Variants in SLC26A4 observed in about 807,000 individuals in gnomAD.
SLC26A4 encodes solute carrier family 26 member 4.
Under a neutral mutation model 90.4 loss-of-function variants are expected in SLC26A4, and 93 were observed. The ratio of observed to expected loss-of-function variants is 1.03; its 90% CI spans 0.87 to 1.22. The LOEUF is 1.22. Ranked by LOEUF, SLC26A4 falls within the 50% of genes most tolerant of loss-of-function variation. SLC26A4 has a pLI of 0.00. For missense variants in SLC26A4, 1,127 were observed against 946.2 expected (o/e 1.19, Z -2.51); for synonymous variants, 393 against 354.6 (o/e 1.11, Z -1.22).
At chr7:107,692,349 T>C (rs1275535810) in intron 10 of SLC26A4, among the ~76,000 whole-genome samples, 1 of 152,240 alleles carries the variant, frequency 6.6e-6, no homozygotes, top group African/African-American at 2.4e-5. Flanking sequence ...TTCTCTTGTG[T>C]GGCTTCTCGT....
intron 20 of SLC26A4, among the ~76,000 whole-genome samples, chr7:107,714,977 C>A (rs1170181273): frequency 1.3e-5 from 2 of 151,176 alleles, no homozygotes; most frequent in African/African-American, 4.9e-5. Context: ...GTAATCCCAG[C>A]ACTTTGGGAG....
chr7:107,698,944 C>T (rs1791815477), intron 14 of SLC26A4, among the ~76,000 whole-genome samples: 1 of 151,882 alleles, frequency 6.6e-6, no homozygotes. Context: ...GATAAAAAAG[C>T]AGAGAAAGTA....
intron 8 of SLC26A4, among the ~76,000 whole-genome samples, chr7:107,684,856 G>A (rs929406985): frequency 2.0e-5 from 3 of 152,126 alleles, no homozygotes; most frequent in Non-Finnish European, 4.4e-5. Flanking sequence ...GATCTCTTTT[G>A]TCAGGCTTCC....
At chr7:107,696,421 C>T (rs1791745929) in intron 13 of SLC26A4, among the ~76,000 whole-genome samples, 1 of 152,164 alleles carries the variant, frequency 6.6e-6, no homozygotes, top group African/African-American at 2.4e-5. Flanking sequence ...GCTGAAGTTG[C>T]TTTGTAGTTT....
chr7:107,672,463 T>G lies in SLC26A4; in HGVS notation c.415+215T>G, dbSNP rs570559349. On this transcript the variant is annotated intron_variant, in intron 4 of 20. Coordinates refer to ENST00000644269, the MANE Select transcript of SLC26A4 (RefSeq NM_000441.2). ...GGGATTTCAGTGTTTTGCCTGCTTTTTCTATTCACTGATGTTAGGTAACTT... is the reference window on the plus strand; with the variant it reads ...GGGATTTCAGTGTTTTGCCTGCTTTGTCTATTCACTGATGTTAGGTAACTT... Among the ~76,000 whole-genome samples the G allele has an allele frequency of 1.2e-4, 18 of 151,606 alleles. No individual in the cohort carries two copies. In the East Asian group the frequency reaches 2.9e-3, roughly 25 times the overall value.
At position 107,661,554 on chromosome 7, in the gene SLC26A4, C is replaced by A; in HGVS notation, c.-3-85C>A. 2 of 1,405,432 alleles carry A rather than the reference C, an allele frequency of 1.4e-6. No individual in the cohort carries two copies. Among genetic ancestry groups the A allele is most frequent in the South Asian group, 1.2e-5 (1 of 81,000 alleles). 87.1% of individuals were successfully genotyped at this position (1,405,432 alleles called of 1,614,324 possible). On this transcript the variant is annotated intron_variant, in intron 1 of 20. Transcript: ENST00000644269. This position sits in a 1 kb window ranked among gnomAD's most constrained non-coding sequence, Gnocchi z 5.1. Reference sequence around the variant, plus strand: ...GGCCTGGCTGCAGCTAACAGGTGATCCCGTTCTTTCTGTTCCTCGCTCTTC... The same window carrying A: ...GGCCTGGCTGCAGCTAACAGGTGATACCGTTCTTTCTGTTCCTCGCTCTTC...
rs772158573 is a variant in SLC26A4, at chr7:107,694,460, C to T, written c.1321C>T (p.Leu441Phe). ...GATCGCCATTCTTGCCCTGGGGAAG[C>T]TTCTGGAACCCTTGCAGAAGGTATA... Reference protein sequence around the residue: ...VMIAILALGKLLEPLQKSVLA... With the variant: ...VMIAILALGKFLEPLQKSVLA... The change falls in exon 11 of 21, where the codon CTT (leucine) becomes TTT (phenylalanine). Residue 441 changes from leucine to phenylalanine, a missense_variant. Coordinates refer to ENST00000644269, the MANE Select transcript of SLC26A4 (RefSeq NM_000441.2). 1 of 1,613,398 alleles carries T rather than the reference C, an allele frequency of 6.2e-7. No individual in the cohort carries two copies. Among genetic ancestry groups the T allele is most frequent in the Admixed American group, 1.7e-5 (1 of 59,966 alleles).
At position 107,662,711 on chromosome 7, in the gene SLC26A4, G is replaced by T. The variant is rs564642419; in HGVS notation, c.165-585G>T. Among the ~76,000 whole-genome samples, 50 of 152,096 alleles carry T rather than the reference G, an allele frequency of 3.3e-4. 1 individual carries two copies. In the South Asian group the frequency reaches 0.01, roughly 32 times the overall value. ...TGAGTCATTATTAAAATGTCCAATC[G>T]TCCCATAAATGCCTTAATTAAAAAA... On this transcript the variant is annotated intron_variant, in intron 2 of 20. Coordinates refer to ENST00000644269, the MANE Select transcript of SLC26A4 (RefSeq NM_000441.2).
chr7:107,665,305 GAGA>G (rs566888229), intron 3 of SLC26A4, among the ~76,000 whole-genome samples: 1 of 152,352 alleles, frequency 6.6e-6, no homozygotes, highest in Admixed American at 6.5e-5. Flanking sequence ...GATGCCCGAA[GAGA>G]AGGAGGATGG....
intron 18 of SLC26A4, among the ~76,000 whole-genome samples, chr7:107,704,945 G>A (rs1464181891): frequency 1.3e-5 from 2 of 152,172 alleles, no homozygotes; most frequent in Admixed American, 1.3e-4. Flanking sequence ...GTCGTCTAGT[G>A]CGGGAGCTTA....
intron 8 of SLC26A4, among the ~76,000 whole-genome samples, chr7:107,687,784 T>C (rs1016113466): frequency 9.2e-5 from 14 of 152,166 alleles, no homozygotes; most frequent in Non-Finnish European, 2.1e-4. Context: ...TAGGGTTGAC[T>C]GGGTCTCAGG....
At position 107,716,116 on chromosome 7, in the gene SLC26A4, G is replaced by A. The variant is rs1458375600; in HGVS notation, c.*670G>A. 6.6e-6 allele frequency: 1 copy of A among 152,022 alleles called. No homozygotes were observed. Among genetic ancestry groups the A allele is most frequent in the Admixed American group, 6.6e-5 (1 of 15,264 alleles). The allele number at this position is 152,022 out of a possible 1,614,324, so 9.4% of individuals were successfully genotyped here. On this transcript the variant is annotated 3_prime_UTR_variant, in exon 21 of 21. Transcript: ENST00000644269. ...ATGCAGACAAATGAAATAATAAAGA[G>A]ATTTTCATGGTTTATAAAAATCTTT...
intron 4 of SLC26A4, 137 bp downstream of exon 4, chr7:107,672,385 G>T (rs1221309418): frequency 1.2e-5 from 2 of 162,490 alleles, no homozygotes; most frequent in South Asian, 1.5e-4. Context: ...TGTGAAAACC[G>T]CAATTACTTT....
Position 107,700,148 on chromosome 7 carries a change from T to C in SLC26A4, c.1680T>C (p.Asp560=), listed in dbSNP as rs2129317910. ...FSSPIFYGNV[D]GFKKCIKSTV... ...GTCCTATTTTCTATGGCAATGTCGA[T>C]GGTTTTAAAAAATGTATCAAGTCCA... The change falls in exon 15 of 21, where the codon GAT becomes GAC. Residue 560 remains aspartate, a synonymous_variant. Coordinates refer to ENST00000644269, the MANE Select transcript of SLC26A4 (RefSeq NM_000441.2). The C allele has an allele frequency of 2.5e-6, 4 of 1,586,814 alleles. No homozygotes were observed. The highest frequency in any genetic ancestry group is 3.5e-6 in the Non-Finnish European group (4 of 1,155,094).
intron 6 of SLC26A4, among the ~76,000 whole-genome samples, chr7:107,678,698 G>A (rs1315909168): frequency 6.6e-6 from 1 of 150,844 alleles, no homozygotes; most frequent in Non-Finnish European, 1.5e-5. Context: ...AGGTATTTCA[G>A]TCATCCCTAT....
Position 107,666,817 on chromosome 7 carries a change from T to C in SLC26A4, c.304+3382T>C, listed in dbSNP as rs141512655. On this transcript the variant is annotated intron_variant, in intron 3 of 20. Coordinates refer to ENST00000644269, the MANE Select transcript of SLC26A4 (RefSeq NM_000441.2). Reference sequence around the variant, plus strand: ...GGGAGGCACTCACTCTCAGGATGCCTCTTTAAATATTGTACCCTAGGAAAC... The same window carrying C: ...GGGAGGCACTCACTCTCAGGATGCCCCTTTAAATATTGTACCCTAGGAAAC... Among the ~76,000 whole-genome samples, 26 of 152,224 alleles carry C rather than the reference T, an allele frequency of 1.7e-4. No individual in the cohort carries two copies. In the East Asian group the frequency reaches 4.6e-3, roughly 27 times the overall value.
chr7:107,678,737 GA>G (rs35019739), intron 6 of SLC26A4, among the ~76,000 whole-genome samples: 63,949 of 147,032 alleles, frequency 0.43, 13,773 homozygotes, highest in African/African-American at 0.48. Context: ...TTGCTCTTCT[GA>G]AAAAAAAAAA....
Position 107,698,207 on chromosome 7 carries a change from T to C in SLC26A4, c.1614+96T>C, listed in dbSNP as rs1791793529. Reference sequence around the variant, plus strand: ...GTACAAGGTAGCCAAAGGGAGAAAATGCCTATTGGGAAAGTCTGTTAGTCC... The same window carrying C: ...GTACAAGGTAGCCAAAGGGAGAAAACGCCTATTGGGAAAGTCTGTTAGTCC... On this transcript the variant is annotated intron_variant, in intron 14 of 20. Coordinates refer to ENST00000644269, the MANE Select transcript of SLC26A4 (RefSeq NM_000441.2). 3.6e-6 allele frequency: 3 copies of C among 822,666 alleles called. No individual in the cohort carries two copies. In the South Asian group the frequency reaches 4.1e-5, roughly 11 times the overall value. The allele number at this position is 822,666 out of a possible 1,614,324, so 51.0% of individuals were successfully genotyped here.
rs780123768 is a variant in SLC26A4, at chr7:107,674,335, T to C, written c.587T>C (p.Val196Ala). ...ATTGCCAGTGCCCTGACTCTGCTGG[T>C]TGGAATTATACAGGTAATGAACTTA... The part of the protein sequence containing the change: ...VLIASALTLL[V>A]GIIQLIFGGL... Residue 196 changes from valine to alanine, a missense_variant, in exon 5 of 21, where the codon GTT (valine) becomes GCT (alanine). Transcript: ENST00000644269. 4 of 1,612,226 alleles carry C rather than the reference T, an allele frequency of 2.5e-6. No individual in the cohort carries two copies. Among genetic ancestry groups the C allele is most frequent in the African/African-American group, 1.3e-5 (1 of 74,880 alleles).
Sources: allele counts gnomAD v4.1 joint callset (sites outside exome capture counted in the v4.1 genomes callset), GRCh38; gene constraint gnomAD v4.1.1; non-coding constraint Gnocchi (gnomAD v3.1); transcripts MANE v1.5; gene names NCBI Gene and HGNC (gene_info 2026-07-23, HGNC 2026-07-21).